Variants in KIF26B observed in about 807,000 individuals in gnomAD.
The protein encoded by KIF26B is kinesin family member 26B.
Under a neutral mutation model 151.2 loss-of-function variants are expected in KIF26B, and 63 were observed. That is an observed-to-expected ratio of 0.42 (90% CI 0.34 to 0.51). The LOEUF is 0.51. Ranked by LOEUF, KIF26B falls within the 20% of genes least tolerant of loss-of-function variation. KIF26B has a pLI of 0.07. For synonymous variants in KIF26B, 1,357 were observed against 1,262.1 expected (o/e 1.08, Z -1.59); for missense variants, 2,813 against 2,913.6 (o/e 0.97, Z 0.79).
intron 2 of KIF26B, among the ~76,000 whole-genome samples, chr1:245,213,884 C>T (rs1050295506): frequency 2.0e-5 from 3 of 152,174 alleles, no homozygotes; most frequent in Admixed American, 1.3e-4. Context: ...CTGGAACGTA[C>T]ATTTTTCTAA....
chr1:245,674,316 ACTT>A (rs1483694713), intron 10 of KIF26B, among the ~76,000 whole-genome samples: 2 of 152,182 alleles, frequency 1.3e-5, no homozygotes, highest in East Asian at 3.9e-4. Context: ...AGGAAGTGAA[ACTT>A]CAGACAATGT....
intron 10 of KIF26B, among the ~76,000 whole-genome samples, chr1:245,669,528 A>G (rs546472711): frequency 1.2e-4 from 19 of 152,326 alleles, no homozygotes; most frequent in African/African-American, 4.3e-4. Flanking sequence ...AATCTTATGG[A>G]CATTTCTCCA....
At chr1:245,490,299 G>T (rs1035067361) in intron 4 of KIF26B, among the ~76,000 whole-genome samples, 3 of 137,650 alleles carry the variant, frequency 2.2e-5, no homozygotes, top group Non-Finnish European at 4.5e-5. Context: ...CCAAGCTTCT[G>T]TAGAACATTT....
chr1:245,155,819 C>T (rs1573676478), intron 1 of KIF26B, among the ~76,000 whole-genome samples: 1 of 152,202 alleles, frequency 6.6e-6, no homozygotes, highest in Non-Finnish European at 1.5e-5. Flanking sequence ...TAGCTGGAGC[C>T]GTGAGAGCCT....
At chr1:245,637,510 T>A (rs557887567) in intron 9 of KIF26B, among the ~76,000 whole-genome samples, 1 of 152,222 alleles carries the variant, frequency 6.6e-6, no homozygotes, top group South Asian at 2.1e-4. Flanking sequence ...AGAAGCTTTT[T>A]AGCTTGATGT....
chr1:245,610,213 A>T (rs1207653526), intron 8 of KIF26B, among the ~76,000 whole-genome samples: 1 of 152,112 alleles, frequency 6.6e-6, no homozygotes, highest in Admixed American at 6.5e-5. Flanking sequence ...GTTCCGTTTG[A>T]TAAGTACCTG....
chr1:245,315,286 G>T (rs901869850), intron 2 of KIF26B, among the ~76,000 whole-genome samples: 4 of 152,224 alleles, frequency 2.6e-5, no homozygotes, highest in African/African-American at 9.6e-5. Flanking sequence ...ACGCTCTGGA[G>T]ATGGATGGTG....
intron 4 of KIF26B, among the ~76,000 whole-genome samples, chr1:245,484,337 T>C (rs1485238000): frequency 6.6e-6 from 1 of 151,902 alleles, no homozygotes; most frequent in East Asian, 1.9e-4. Flanking sequence ...AGCCATTCAA[T>C]GGAGCCACAT....
At chr1:245,164,161 G>C (rs1237193129) in intron 2 of KIF26B, among the ~76,000 whole-genome samples, 1 of 152,120 alleles carries the variant, frequency 6.6e-6, no homozygotes, top group Non-Finnish European at 1.5e-5. Context: ...TTAGGAATGG[G>C]TATTATATTT....
intron 2 of KIF26B, among the ~76,000 whole-genome samples, chr1:245,194,271 T>C (rs188925909): frequency 2.5e-4 from 38 of 152,338 alleles, no homozygotes; most frequent in African/African-American, 8.7e-4. Flanking sequence ...TCCGTTTACA[T>C]AGAGTGCTTG....
intron 2 of KIF26B, among the ~76,000 whole-genome samples, chr1:245,221,553 C>G (rs1039042620): frequency 6.6e-6 from 1 of 151,744 alleles, no homozygotes; most frequent in South Asian, 2.1e-4. Flanking sequence ...ATTACAGGCC[C>G]CTACCACCAC....
intron 2 of KIF26B, among the ~76,000 whole-genome samples, chr1:245,201,579 G>A (rs1669301652): frequency 6.6e-6 from 1 of 152,170 alleles, no homozygotes; most frequent in Non-Finnish European, 1.5e-5. Flanking sequence ...AGAGGCAGAG[G>A]ATAACTACAA....
In KIF26B at chr1:245,685,695, G is replaced by A; in HGVS notation, c.2712G>A (p.Arg904=). The part of the protein sequence containing the change: ...PALQKTRGDS[R]PAEAGEAAAG... The stretch of plus-strand genomic sequence containing the variant: ...TGCAGAAGACCCGGGGCGACAGCCG[G>A]CCCGCAGAGGCAGGAGAGGCTGCAG... Residue 904 remains arginine (R), a synonymous_variant, in exon 12 of 15, where the codon CGG becomes CGA. Coordinates refer to ENST00000407071, the MANE Select transcript of KIF26B (RefSeq NM_018012.4). 6.2e-7 allele frequency: 1 copy of A among 1,612,960 alleles called. No individual in the cohort carries two copies. The highest frequency in any genetic ancestry group is 8.5e-7 in the Non-Finnish European group (1 of 1,179,790).
chr1:245,199,424 T>G (rs1669257939), intron 2 of KIF26B, among the ~76,000 whole-genome samples: 1 of 152,108 alleles, frequency 6.6e-6, no homozygotes, highest in Admixed American at 6.5e-5. Context: ...CAGTTTTAAA[T>G]AATCTGACCC....
chr1:245,696,908 G>A (rs1807291), intron 12 of KIF26B, among the ~76,000 whole-genome samples: 94,811 of 151,508 alleles, frequency 0.63, 31,253 homozygotes, highest in Middle Eastern at 0.77. Context: ...TCAGGCGTTC[G>A]AGACCAGTCT....
chr1:245,665,874 G>A (rs113890345), intron 10 of KIF26B, among the ~76,000 whole-genome samples: 5,552 of 151,754 alleles, frequency 0.037, 330 homozygotes, highest in African/African-American at 0.13. Context: ...TGGTAGAGCT[G>A]GGGTTTCACC....
intron 2 of KIF26B, among the ~76,000 whole-genome samples, chr1:245,280,364 A>C (rs1573749403): frequency 9.7e-6 from 1 of 102,682 alleles, no homozygotes; most frequent in African/African-American, 4.4e-5. Context: ...TACAAAAAAT[A>C]CAAAAAAAAA....
intron 5 of KIF26B, among the ~76,000 whole-genome samples, chr1:245,549,157 G>A (rs1661821604): frequency 6.6e-6 from 1 of 152,194 alleles, no homozygotes; most frequent in Non-Finnish European, 1.5e-5. Context: ...AGGAGGAGGA[G>A]AAGAAAGATA....
At chr1:245,171,601 G>T (rs181985416) in intron 2 of KIF26B, among the ~76,000 whole-genome samples, 9 of 152,244 alleles carry the variant, frequency 5.9e-5, no homozygotes, top group Non-Finnish European at 8.8e-5. Flanking sequence ...TGAAATAAAG[G>T]CCATTAGTTT....
Sources: allele counts gnomAD v4.1 joint callset (sites outside exome capture counted in the v4.1 genomes callset), GRCh38; gene constraint gnomAD v4.1.1; transcripts MANE v1.5; gene names NCBI Gene and HGNC (gene_info 2026-07-23, HGNC 2026-07-21).